Variants in FBN3 observed in about 807,000 individuals in gnomAD.
The protein encoded by FBN3 is fibrillin 3.
FBN3 carries 234 observed loss-of-function variants against 330.1 expected under a neutral mutation model. That is an observed-to-expected ratio of 0.71 (90% confidence interval 0.64 to 0.79). FBN3 has a LOEUF of 0.79. Among genes scored for constraint, FBN3 ranks in the 30% least tolerant of loss-of-function variants. The pLI is 0.00. For synonymous variants in FBN3, 1,458 were observed against 1,517.3 expected, an observed-to-expected ratio of 0.96 and a Z score of 0.91; for missense variants, 3,606 against 3,886.9, an observed-to-expected ratio of 0.93 and a Z score of 1.92.
chr19:8,125,905 G>T lies in FBN3; in HGVS notation c.2718C>A (p.Gly906=), dbSNP rs373567633. 8 of 1,612,858 alleles carry T rather than the reference G, an allele frequency of 5.0e-6. No individual in the cohort carries two copies. Among genetic ancestry groups the T allele is most frequent in the Non-Finnish European group, 5.1e-6 (6 of 1,179,798 alleles). ...CPEGLMLDAS[G]RLCVDVRLEP... ...GCCTGGACTCACCCACGCACAGCCG[G>T]CCTGAGGCGTCCAGCATCAGGCCCT... The change falls in exon 22 of 64, where the codon GGC becomes GGA. Residue 906 remains glycine, a synonymous_variant. Coordinates refer to ENST00000600128, the MANE Select transcript of FBN3 (RefSeq NM_032447.5).
intron 13 of FBN3, 25 bp downstream of exon 13, chr19:8,135,936 G>GGGGGGGGGGGGGGGGGCCCGCCCCCCC: frequency 1.5e-6 from 1 of 668,778 alleles, no homozygotes; most frequent in Non-Finnish European, 2.4e-6. Context: ...GGAAGCCCCT[G>GGGGGGGGGGGGGGGGGCCCGCCCCCCC]CCCACCCGCC....
At chr19:8,102,627 A>G in intron 40 of FBN3, 97 bp downstream of exon 40, 2 of 1,230,702 alleles carry the variant, frequency 1.6e-6, no homozygotes, top group Admixed American at 4.0e-5. Context: ...CATCAGAACA[A>G]GGAGGATTAA....
At chr19:8,117,092 G>C in intron 28 of FBN3, 77 bp downstream of exon 28, 1 of 1,578,092 alleles carries the variant, frequency 6.3e-7, no homozygotes, top group Non-Finnish European at 8.6e-7. Context: ...GCTGGGCTCT[G>C]GGCCAGTGCA....
intron 59 of FBN3, among the ~76,000 whole-genome samples, chr19:8,077,736 T>C (rs1206473201): frequency 1.3e-5 from 2 of 152,110 alleles, no homozygotes; most frequent in Non-Finnish European, 1.5e-5. Context: ...TGCGGCTGCC[T>C]GAGCTGTCAC....
chr19:8,080,723 A>G (rs1305961950), intron 59 of FBN3, among the ~76,000 whole-genome samples: 3 of 151,856 alleles, frequency 2.0e-5, no homozygotes, highest in African/African-American at 7.3e-5. Flanking sequence ...AGTTCAAGCG[A>G]TTCTCCTGCC....
rs776778004 is a variant in FBN3, at chr19:8,091,617, T to C, written c.5906-27A>G. On this transcript the variant is annotated intron_variant, in intron 47 of 63. Transcript: ENST00000600128. Reference sequence around the variant, plus strand: ...TGGAAGGGCAGGGACATGAGCTGGGTGGGGGGCAAGTAGGACCTCCATCAG... The same window carrying C: ...TGGAAGGGCAGGGACATGAGCTGGGCGGGGGGCAAGTAGGACCTCCATCAG... 37 of 1,611,670 alleles carry C rather than the reference T, an allele frequency of 2.3e-5. 1 individual carries two copies. In the Admixed American group the frequency reaches 2.5e-4, roughly 11 times the overall value.
At position 8,146,156 on chromosome 19, in the gene FBN3, G is replaced by A. The variant is rs141165450; in HGVS notation, c.320C>T (p.Thr107Met). ...QPNLCTCADG[T>M]LAPSCGVSRG... The stretch of plus-strand genomic sequence containing the variant: ...GCTCACCCCGCAGCTGGGAGCCAGC[G>A]TCCCATCCGCACAGGTGCACAGGTT... The change falls in exon 4 of 64, where the codon ACG (threonine) becomes ATG (methionine). Residue 107 changes from threonine (T) to methionine (M), a missense_variant. Thr to Met is a moderately conservative substitution (Grantham distance 81, BLOSUM62 -1). Transcript: ENST00000600128. 196 of 1,601,390 alleles carry A rather than the reference G, an allele frequency of 1.2e-4. No individual in the cohort carries two copies. Among genetic ancestry groups the A allele is most frequent in the Non-Finnish European group, 1.5e-4 (175 of 1,175,404 alleles).
At chr19:8,072,995 G>GTT in intron 62 of FBN3, 68 bp downstream of exon 62, 1 of 899,724 alleles carries the variant, frequency 1.1e-6, no homozygotes, top group East Asian at 2.4e-5. Context: ...GTGTGTGTGT[G>GTT]TGTGTGTGCG....
At chr19:8,089,162 C>A (rs1455572012) in intron 51 of FBN3, among the ~76,000 whole-genome samples, 5 of 151,734 alleles carry the variant, frequency 3.3e-5, no homozygotes, top group Non-Finnish European at 7.4e-5. Context: ...AATGAATGAA[C>A]AAGTGAAGGA....
intron 22 of FBN3, among the ~76,000 whole-genome samples, chr19:8,124,631 G>A (rs899013286): frequency 2.0e-5 from 3 of 148,860 alleles, no homozygotes; most frequent in Non-Finnish European, 4.5e-5. Flanking sequence ...TCCGCCTCCC[G>A]GGTTCAAGCG....
chr19:8,111,848 A>G, intron 31 of FBN3, 78 bp from the exon 32 acceptor site: 3 of 1,556,966 alleles, frequency 1.9e-6, no homozygotes, highest in South Asian at 2.3e-5. Context: ...AGACCCATCA[A>G]CCCTCCAACC....
Position 8,147,184 on chromosome 19 carries a change from G to A in FBN3, c.170C>T (p.Pro57Leu), listed in dbSNP as rs779630680. 3.8e-5 allele frequency: 60 copies of A among 1,566,700 alleles called. No homozygotes were observed. The highest frequency in any genetic ancestry group is 1.7e-4 in the Middle Eastern group (1 of 5,866). Residue 57 changes from proline (P) to leucine (L), a missense_variant and splice_region_variant, in exon 3 of 64, where the codon CCG becomes CTG. Physicochemically the swap from Pro to Leu is moderately conservative, Grantham distance 98. Coordinates refer to ENST00000600128, the MANE Select transcript of FBN3 (RefSeq NM_032447.5). ...ATGGAACCGGGAGCCGCACACATTC[G>A]GCCTTCGGGGACAGCGAGATGGGTC... is the stretch of plus-strand genomic sequence containing the variant. Reference protein sequence around the residue: ...RRGSPGILQGPNVCGSRFHAY... With the variant: ...RRGSPGILQGLNVCGSRFHAY...
chr19:8,141,860 G>C lies in FBN3; in HGVS notation c.740-18C>G. ...ATCCACATCTGCAAGGACAAAGCCC[G>C]GCAGGGGAGTGAGAGGCCCATCGGA... On this transcript the variant is annotated intron_variant, in intron 7 of 63. Coordinates refer to ENST00000600128, the MANE Select transcript of FBN3 (RefSeq NM_032447.5). The C allele has an allele frequency of 6.2e-7, 1 of 1,613,558 alleles. No homozygotes were observed. Among genetic ancestry groups the C allele is most frequent in the Non-Finnish European group, 8.5e-7 (1 of 1,179,564 alleles).
chr19:8,085,369 C>T lies in FBN3; in HGVS notation c.7081G>A (p.Gly2361Ser). 1 of 1,574,034 alleles carries T rather than the reference C, an allele frequency of 6.4e-7. No individual in the cohort carries two copies. The highest frequency in any genetic ancestry group is 8.6e-7 in the Non-Finnish European group (1 of 1,163,616). The change falls in exon 56 of 64, where the codon GGC (glycine) becomes AGC (serine). Residue 2361 changes from glycine (G) to serine (S), a missense_variant. By Grantham distance (56) the Gly-to-Ser change is moderately conservative. Coordinates refer to ENST00000600128, the MANE Select transcript of FBN3 (RefSeq NM_032447.5). ...CPHGSGYTAE[G>S]RDVDECRMLA... ...TGAGGGCATGGGCACCCACCTCGGC[C>T]CTCAGCAGTGTAGCCTGAGCCATGG...
At position 8,100,789 on chromosome 19, in the gene FBN3, G is replaced by T. The variant is rs1009707461; in HGVS notation, c.5161+112C>A. 6.4e-6 allele frequency: 5 copies of T among 778,256 alleles called. No homozygotes were observed. In the African/African-American group the frequency reaches 8.9e-5, roughly 14 times the overall value. 48.2% of individuals were successfully genotyped at this position (778,256 alleles called of 1,614,324 possible). ...GGAGGTGTGTGGAGCGAGGAGGAGG[G>T]GAGGATGGAGGAGTGGATGTAAGGA... On this transcript the variant is annotated intron_variant, in intron 41 of 63. Coordinates refer to ENST00000600128, the MANE Select transcript of FBN3 (RefSeq NM_032447.5).
chr19:8,071,022 C>CAAA (rs34381445), intron 63 of FBN3, among the ~76,000 whole-genome samples: 2 of 96,096 alleles, frequency 2.1e-5, no homozygotes, highest in Non-Finnish European at 2.0e-5. Flanking sequence ...GACTCTGTCT[C>CAAA]AAAAAAAAAA....
intron 56 of FBN3, among the ~76,000 whole-genome samples, 187 bp from the exon 57 acceptor site, chr19:8,083,559 G>T (rs2081858444): frequency 6.6e-6 from 1 of 151,930 alleles, no homozygotes; most frequent in African/African-American, 2.4e-5. Flanking sequence ...GAGCCCGCAG[G>T]ACACGCCCAT....
intron 13 of FBN3, 140 bp downstream of exon 13, chr19:8,135,821 G>C (rs2083264468): frequency 3.5e-6 from 3 of 852,932 alleles, no homozygotes; most frequent in Non-Finnish European, 5.5e-6. Flanking sequence ...TCTCAGGTGG[G>C]CTGCTGGGTT....
intron 51 of FBN3, among the ~76,000 whole-genome samples, chr19:8,089,331 AAGTG>A (rs920257387): frequency 3.9e-5 from 6 of 152,092 alleles, no homozygotes; most frequent in South Asian, 2.1e-4. Flanking sequence ...GTAAATGAAT[AAGTG>A]AGTGAGTGAA....
Sources: allele counts gnomAD v4.1 joint callset (sites outside exome capture counted in the v4.1 genomes callset), GRCh38; gene constraint gnomAD v4.1.1; transcripts MANE v1.5; gene names NCBI Gene and HGNC (gene_info 2026-07-23, HGNC 2026-07-21).